The following COPA variants were observed in gnomAD, a reference collection of about 807,000 sequenced individuals.
The protein encoded by COPA is coatomer subunit alpha.
COPA carries 10 observed loss-of-function variants against 158.7 expected under a neutral mutation model. The ratio of observed to expected loss-of-function variants is 0.06; its 90% confidence interval spans 0.04 to 0.11. The LOEUF (loss-of-function observed/expected upper bound fraction) is 0.11. COPA is among the 10% of genes least tolerant of loss of function. The pLI is 1.00. For missense variants in COPA, 1,065 were observed against 1,536.7 expected, an observed-to-expected ratio of 0.69 and a Z score of 5.13; for synonymous variants, 462 against 542.8, an observed-to-expected ratio of 0.85 and a Z score of 2.07.
chr1:160,326,599 G>C (rs1230934593), intron 6 of COPA, among the ~76,000 whole-genome samples: 1 of 152,186 alleles, frequency 6.6e-6, no homozygotes, highest in African/African-American at 2.4e-5. Context: ...AGCTGATGGG[G>C]GAAGTTCCAA....
chr1:160,309,247 G>T, intron 12 of COPA, 71 bp from the exon 13 acceptor site: 2 of 1,183,072 alleles, frequency 1.7e-6, no homozygotes, highest in Non-Finnish European at 2.5e-6. Flanking sequence ...AATTTACTCT[G>T]ACAGAGAAAA....
Position 160,305,505 on chromosome 1 carries a change from C to G in COPA, c.1595G>C (p.Ser532Thr), listed in dbSNP as rs763024574. 6.2e-7 allele frequency: 1 copy of G among 1,614,084 alleles called. No individual in the cohort carries two copies. The highest frequency in any genetic ancestry group is 8.5e-7 in the Non-Finnish European group (1 of 1,180,054). The change falls in exon 17 of 33, where the codon AGT becomes ACT. Residue 532 changes from serine (S) to threonine (T), a missense_variant. By Grantham distance (58) the Ser-to-Thr change is moderately conservative (BLOSUM62 1). Transcript: ENST00000241704. ...TACCCCACTCTCATCCCAGGCCCCA[C>G]TCTTGACACGAATGTTCTCATGAAT... ...CNIHENIRVK[S>T]GAWDESGVFI...
intron 8 of COPA, among the ~76,000 whole-genome samples, chr1:160,321,328 AG>A (rs1659325213): frequency 6.6e-6 from 1 of 152,236 alleles, no homozygotes; most frequent in East Asian, 1.9e-4. Context: ...ACAAAACACT[AG>A]AAGTCCTGGC....
rs748206343 is a variant in COPA, at chr1:160,307,244, C to T, written c.1221G>A (p.Ala407=). 1.4e-5 allele frequency: 22 copies of T among 1,614,000 alleles called. No homozygotes were observed. The highest frequency in any genetic ancestry group is 5.0e-5 in the Admixed American group (3 of 60,004). ...GGCCTGAGGATCGTTTCCCTTCAGG[C>T]GCTGAGAAGAACAAAACCAAAGGGT... ...PKDADSQNPD[A]PEGKRSSGLT... Residue 407 remains alanine (A), a splice_region_variant and synonymous_variant, in exon 14 of 33, where the codon GCG becomes GCA. Transcript: ENST00000241704.
chr1:160,295,668 T>C (rs2101825451), intron 23 of COPA, 68 bp downstream of exon 23: 1 of 1,407,422 alleles, frequency 7.1e-7, no homozygotes. Flanking sequence ...TAAATGCTAA[T>C]GGTATTCTCT....
intron 8 of COPA, among the ~76,000 whole-genome samples, chr1:160,321,701 T>G (rs1484303512): frequency 6.6e-6 from 1 of 152,104 alleles, no homozygotes; most frequent in Non-Finnish European, 1.5e-5. Flanking sequence ...AGTATGAGAA[T>G]CACTTGAACC....
chr1:160,304,554 C>T (rs1406815374), intron 17 of COPA, among the ~76,000 whole-genome samples: 1 of 151,890 alleles, frequency 6.6e-6, no homozygotes, highest in Admixed American at 6.6e-5. Flanking sequence ...ATCCCAGCTA[C>T]TCGGGAGGCT....
At chr1:160,341,425 T>C (rs1648042503) in intron 1 of COPA, among the ~76,000 whole-genome samples, 1 of 152,236 alleles carries the variant, frequency 6.6e-6, no homozygotes, top group African/African-American at 2.4e-5. Flanking sequence ...AGGCATTTTG[T>C]CCGCCAATTT....
At chr1:160,323,624 AT>A in intron 7 of COPA, 94 bp from the exon 8 acceptor site, 1 of 935,680 alleles carries the variant, frequency 1.1e-6, no homozygotes, top group Non-Finnish European at 1.5e-6. Flanking sequence ...AATGTCTCTG[AT>A]TTATTCTTCA....
chr1:160,341,624 G>A (rs1400060398), intron 1 of COPA, among the ~76,000 whole-genome samples: 4 of 152,098 alleles, frequency 2.6e-5, no homozygotes, highest in African/African-American at 9.7e-5. Flanking sequence ...TTATGGAGGT[G>A]CCCATTTTGC....
At chr1:160,321,289 A>G (rs1159671778) in intron 8 of COPA, among the ~76,000 whole-genome samples, 1 of 152,212 alleles carries the variant, frequency 6.6e-6, no homozygotes, top group Non-Finnish European at 1.5e-5. Flanking sequence ...CCAGAAGGCA[A>G]GGATGCCCAC....
Position 160,292,213 on chromosome 1 carries a change from G to A in COPA, c.2961-15C>T, listed in dbSNP as rs751391110. The stretch of plus-strand genomic sequence containing the variant: ...CTGCATCCTTCCTGGAAAGGGAAAA[G>A]TAGGAAGAAGACAGGATAGTCAGTA... On this transcript the variant is annotated splice_polypyrimidine_tract_variant and intron_variant, in intron 28 of 32. Transcript: ENST00000241704. 41 of 1,607,160 alleles carry A rather than the reference G, an allele frequency of 2.6e-5. No homozygotes were observed. The Middle Eastern group carries it at 6.3e-4, about 25-fold the overall frequency.
At position 160,290,043 on chromosome 1, in the gene COPA, C is replaced by G. The variant is rs1028274644; in HGVS notation, c.*114G>C. On this transcript the variant is annotated 3_prime_UTR_variant, in exon 33 of 33. Coordinates refer to ENST00000241704, the MANE Select transcript of COPA (RefSeq NM_004371.4). ...GAAAAAGATACTAGGTTTTAGGGTA[C>G]AGAGAGCCAGATCTGAAGAGTAGCT... 1 of 972,932 alleles carries G rather than the reference C, an allele frequency of 1.0e-6. No homozygotes were observed. 60.3% of individuals were successfully genotyped at this position (972,932 alleles called of 1,614,324 possible).
At chr1:160,338,992 G>T (rs1186089194) in intron 3 of COPA, among the ~76,000 whole-genome samples, 1 of 151,602 alleles carries the variant, frequency 6.6e-6, no homozygotes, top group Non-Finnish European at 1.5e-5. Context: ...GAGACAAGAT[G>T]GAATTCATTA....
chr1:160,325,191 T>C (rs534163899), intron 7 of COPA, among the ~76,000 whole-genome samples: 1 of 152,178 alleles, frequency 6.6e-6, no homozygotes, highest in African/African-American at 2.4e-5. Context: ...TTTTCCCACC[T>C]GCACAAAAGT....
rs568518426 is a variant in COPA at position 160,296,175 on chromosome 1, A to T, written c.2264-26T>A. The T allele has an allele frequency of 2.5e-6, 4 of 1,601,634 alleles. No individual in the cohort carries two copies. In the African/African-American group the frequency reaches 5.3e-5, roughly 21 times the overall value. On this transcript the variant is annotated intron_variant, in intron 21 of 32. Coordinates refer to ENST00000241704, the MANE Select transcript of COPA (RefSeq NM_004371.4). Reference sequence around the variant, plus strand: ...CTGTAGAGAAAACAGACTTTGTGGTATAGGTACATTTCCAAATGCATGCTG... The same window carrying T: ...CTGTAGAGAAAACAGACTTTGTGGTTTAGGTACATTTCCAAATGCATGCTG...
At chr1:160,315,612 C>T (rs1171292034) in intron 8 of COPA, among the ~76,000 whole-genome samples, 6 of 152,112 alleles carry the variant, frequency 3.9e-5, no homozygotes, top group Non-Finnish European at 2.9e-5. Flanking sequence ...GAGGAAGTGA[C>T]CTAGCAGTAC....
intron 6 of COPA, among the ~76,000 whole-genome samples, chr1:160,332,026 C>T (rs188935968): frequency 6.6e-5 from 10 of 151,986 alleles, no homozygotes; most frequent in Admixed American, 1.3e-4. Context: ...CTAGAAGAAA[C>T]GTAATAGAGA....
rs1047288998 is a variant in COPA, at chr1:160,305,725, T to C, written c.1491A>G (p.Ser497=). Residue 497 remains serine (S), a synonymous_variant, in exon 16 of 33, where the codon TCA becomes TCG. Transcript: ENST00000241704. ...GTAGTGCTACATGTGACATGTCTGC[T>C]GACCAGATAACGTATTTCACTTTAG... The part of the protein sequence containing the change: ...KISKVKYVIW[S]ADMSHVALLA... The C allele has an allele frequency of 5.0e-6, 8 of 1,614,090 alleles. No homozygotes were observed. The highest frequency in any genetic ancestry group is 1.6e-4 in the Middle Eastern group (1 of 6,080).
Sources: allele counts gnomAD v4.1 joint callset (sites outside exome capture counted in the v4.1 genomes callset), GRCh38; gene constraint gnomAD v4.1.1; transcripts MANE v1.5; gene names NCBI Gene and HGNC (gene_info 2026-07-23, HGNC 2026-07-21).